Variants in DNAH17 observed in about 807,000 individuals in gnomAD.
DNAH17 encodes axonemal beta dynein heavy chain 17.
A neutral mutation model predicts 485.6 loss-of-function variants in DNAH17; 376 were observed. The observed-to-expected ratio is 0.77, with a 90% CI of 0.71 to 0.84. The LOEUF (loss-of-function observed/expected upper bound fraction) is 0.84, where lower values mean the gene tolerates loss of function less well. Ranked by LOEUF, DNAH17 falls within the 40% of genes least tolerant of loss-of-function variation. The pLI, the probability that DNAH17 is intolerant of heterozygous loss-of-function variation, is 0.00. For missense variants in DNAH17, 6,370 were observed against 5,839.3 expected, an observed-to-expected ratio of 1.09 and a Z score of -2.96; for synonymous variants, 3,031 against 2,405.9, an observed-to-expected ratio of 1.26 and a Z score of -7.60.
intron 33 of DNAH17, 93 bp downstream of exon 33, chr17:78,502,498 T>TC (rs1271245093): frequency 8.1e-6 from 10 of 1,237,496 alleles, no homozygotes; most frequent in Non-Finnish European, 1.1e-5. Flanking sequence ...CTCCAGGTAC[T>TC]CGCCCGGCAG....
rs1456921876 is a variant in DNAH17, at chr17:78,480,671, G to T, written c.7752+13C>A. 6.2e-7 allele frequency: 1 copy of T among 1,609,462 alleles called. No homozygotes were observed. The highest frequency in any genetic ancestry group is 1.3e-5 in the African/African-American group (1 of 74,888). On this transcript the variant is annotated intron_variant, in intron 49 of 80. Transcript: ENST00000389840. ...CATGGCAGGTGACGGGGATGAGTATGGTTTCTGCTTACCTGAAGCCTGGAG... is the reference window on the plus strand; with the variant it reads ...CATGGCAGGTGACGGGGATGAGTATTGTTTCTGCTTACCTGAAGCCTGGAG...
intron 25 of DNAH17, among the ~76,000 whole-genome samples, chr17:78,521,981 G>A (rs936726403): frequency 6.6e-6 from 1 of 152,166 alleles, no homozygotes; most frequent in Non-Finnish European, 1.5e-5. Flanking sequence ...GTGAGACTCC[G>A]CCTCAAAACC....
intron 62 of DNAH17, among the ~76,000 whole-genome samples, chr17:78,456,072 G>A (rs1598479062): frequency 6.6e-6 from 1 of 152,184 alleles, no homozygotes; most frequent in South Asian, 2.1e-4. Flanking sequence ...GCTGAGGCGG[G>A]TGGATCACTT....
intron 77 of DNAH17, among the ~76,000 whole-genome samples, chr17:78,427,575 A>G (rs2086520647): frequency 6.6e-6 from 1 of 152,204 alleles, no homozygotes; most frequent in Non-Finnish European, 1.5e-5. Flanking sequence ...GACTAAGAGA[A>G]AGTCCTGGAC....
intron 57 of DNAH17, among the ~76,000 whole-genome samples, chr17:78,462,237 G>C (rs1423421153): frequency 1.4e-5 from 2 of 142,062 alleles, no homozygotes; most frequent in African/African-American, 5.2e-5. Flanking sequence ...GTGGGAGAGT[G>C]ACAGCGAGAG....
intron 41 of DNAH17, chr17:78,492,970 C>T (rs2089928058): frequency 4.4e-6 from 2 of 458,912 alleles, no homozygotes; most frequent in Non-Finnish European, 7.4e-6. Flanking sequence ...CTTGCCTTAG[C>T]TTCCCAAGTA....
chr17:78,476,733 C>T lies in DNAH17; in HGVS notation c.7993G>A (p.Gly2665Arg), dbSNP rs767687173. Residue 2665 changes from glycine (G) to arginine (R), a missense_variant and splice_region_variant, in exon 52 of 81, where the codon GGA (glycine) becomes AGA (arginine). Transcript: ENST00000389840. Reference sequence around the variant, plus strand: ...ACTTCTGCTGTGGAAAATAAGAGTCCCTGCCCCAAACACAGGATGATCAGC... The same window carrying T: ...ACTTCTGCTGTGGAAAATAAGAGTCTCTGCCCCAAACACAGGATGATCAGC... ...NLRDLSNIFQ[G>R]LLFSTAEVLK... is the part of the protein sequence containing the mutation. 6.2e-7 allele frequency: 1 copy of T among 1,611,126 alleles called. No individual in the cohort carries two copies. The highest frequency in any genetic ancestry group is 8.5e-7 in the Non-Finnish European group (1 of 1,178,710).
intron 56 of DNAH17, among the ~76,000 whole-genome samples, chr17:78,463,615 C>A (rs911239718): frequency 1.3e-5 from 2 of 152,254 alleles, no homozygotes; most frequent in African/African-American, 4.8e-5. Flanking sequence ...CATGTGCATT[C>A]ACATACCTGC....
chr17:78,436,214 G>A (rs2086846869), intron 74 of DNAH17, among the ~76,000 whole-genome samples: 1 of 152,130 alleles, frequency 6.6e-6, no homozygotes, highest in South Asian at 2.1e-4. Context: ...ATCACCTGAG[G>A]TGAGGAGTTT....
intron 18 of DNAH17, 102 bp from the exon 19 acceptor site, chr17:78,537,583 C>T (rs530321988): frequency 1.5e-6 from 2 of 1,315,564 alleles, no homozygotes; most frequent in East Asian, 2.5e-5. Flanking sequence ...GTGTCACTGC[C>T]TTCCACTTAT....
chr17:78,534,548 G>C (rs557169118), intron 19 of DNAH17, among the ~76,000 whole-genome samples: 16 of 152,296 alleles, frequency 1.1e-4, no homozygotes, highest in Admixed American at 5.2e-4. Context: ...CCTCCTCATG[G>C]CCCCTCTTTC....
chr17:78,553,450 C>T (rs374894017), intron 14 of DNAH17, among the ~76,000 whole-genome samples: 55 of 151,996 alleles, frequency 3.6e-4, no homozygotes, highest in Admixed American at 5.9e-4. Context: ...TATAGGCATG[C>T]GCCACCATGC....
chr17:78,491,439 G>A lies in DNAH17; in HGVS notation c.6669+4C>T, dbSNP rs375626815. 719 of 1,612,054 alleles carry A rather than the reference G, an allele frequency of 4.5e-4. No homozygotes were observed. The highest frequency in any genetic ancestry group is 5.7e-4 in the Non-Finnish European group (669 of 1,179,216). On this transcript the variant is annotated splice_donor_region_variant and intron_variant, in intron 43 of 80. Transcript: ENST00000389840. ...TTGGGGCTTAGAGTCCAGGGCCCGC[G>A]AACCTTGTTGTCATCCATGACTGTG...
intron 36 of DNAH17, 77 bp downstream of exon 36, chr17:78,500,228 C>A: frequency 6.9e-7 from 1 of 1,453,234 alleles, no homozygotes; most frequent in Non-Finnish European, 9.2e-7. Flanking sequence ...TACTGTGGGG[C>A]CTCGGAGGAC....
chr17:78,449,519 C>G lies in DNAH17; in HGVS notation c.11106G>C (p.Arg3702=). 3.8e-6 allele frequency: 6 copies of G among 1,597,010 alleles called. No homozygotes were observed. The highest frequency in any genetic ancestry group is 5.1e-6 in the Non-Finnish European group (6 of 1,171,958). The change falls in exon 69 of 81, where the codon CGG becomes CGC. Residue 3702 remains arginine (R), a synonymous_variant. Transcript: ENST00000389840. The part of the protein sequence containing the change: ...RTTPANEVKQ[R]VINLTDEITY... ...TGATCTCGTCCGTCAGGTTGATCAC[C>G]CGCTGCTTCACCTCGTTGGCAGGGG...
chr17:78,464,902 AG>A (rs2088339607), intron 56 of DNAH17, among the ~76,000 whole-genome samples: 1 of 152,266 alleles, frequency 6.6e-6, no homozygotes, highest in African/African-American at 2.4e-5. Context: ...TGAATTTTTT[AG>A]CGCTAATTTG....
chr17:78,471,697 C>G (rs1402397439), intron 54 of DNAH17, among the ~76,000 whole-genome samples: 1 of 152,130 alleles, frequency 6.6e-6, no homozygotes, highest in African/African-American at 2.4e-5. Flanking sequence ...CCCGGCCCGT[C>G]TGGCTTTCAC....
intron 14 of DNAH17, among the ~76,000 whole-genome samples, chr17:78,555,541 C>CATA (rs1162901414): frequency 1.4e-4 from 1 of 7,126 alleles, no homozygotes; most frequent in African/African-American, 6.7e-4. Flanking sequence ...AAGATTCCGT[C>CATA]ACAAAAAAAA....
chr17:78,464,737 G>A (rs1233098800), intron 56 of DNAH17, among the ~76,000 whole-genome samples: 4 of 152,182 alleles, frequency 2.6e-5, no homozygotes, highest in South Asian at 2.1e-4. Context: ...CTGTCCGCAC[G>A]CTGCATGTCC....
Sources: gnomAD v4.1 joint callset for allele counts (sites outside exome capture counted in the v4.1 genomes callset) on GRCh38, gnomAD v4.1.1 for gene constraint, MANE v1.5 for transcripts, NCBI Gene and HGNC (gene_info 2026-07-23, HGNC 2026-07-21) for gene names.